Variants in RAPGEF2 observed in about 807,000 individuals in gnomAD.
The protein encoded by RAPGEF2 is Rap guanine nucleotide exchange factor 2, also known as PDZ domain containing guanine nucleotide exchange factor (GEF) 1.
RAPGEF2 carries 54 observed loss-of-function variants against 186.7 expected under a neutral mutation model. That is an observed-to-expected ratio of 0.29 (90% CI 0.23 to 0.36). The LOEUF (loss-of-function observed/expected upper bound fraction) is 0.36, where lower values mean the gene tolerates loss of function less well. Ranked by LOEUF, RAPGEF2 falls within the 10% of genes least tolerant of loss-of-function variation. The pLI is 1.00. For missense variants in RAPGEF2, 1,532 were observed against 2,045.0 expected, an observed-to-expected ratio of 0.75 and a Z score of 4.84; for synonymous variants, 712 against 705.9, an observed-to-expected ratio of 1.01 and a Z score of -0.14.
In RAPGEF2 at chr4:159,358,672, TAA is replaced by T. The variant is rs11337410; in HGVS notation, c.*544_*545del. On this transcript the variant is annotated 3_prime_UTR_variant, in exon 30 of 30. Coordinates refer to ENST00000691494, the MANE Select transcript of RAPGEF2 (RefSeq NM_001394067.2). ...CCACTTGTTTACAATGTCCTCCTTT[TAA>T]AAAAAAAAAATGAGTTTAAAGATTT... The T allele has an allele frequency of 1.5e-4, 23 of 150,506 alleles. No individual in the cohort carries two copies. The highest frequency in any genetic ancestry group is 4.2e-4 in the South Asian group (2 of 4,748). 9.3% of individuals were successfully genotyped at this position (150,506 alleles called of 1,614,324 possible).
intron 1 of RAPGEF2, among the ~76,000 whole-genome samples, chr4:159,134,316 T>TGG (rs1212084426): frequency 6.6e-6 from 1 of 152,246 alleles, no homozygotes. Context: ...TATCAATGGT[T>TGG]TGCTTCTTTT....
chr4:159,261,335 T>C (rs1431592991), intron 7 of RAPGEF2, among the ~76,000 whole-genome samples: 1 of 152,168 alleles, frequency 6.6e-6, no homozygotes, highest in East Asian at 1.9e-4. Flanking sequence ...GTGCTGGGAT[T>C]ACGGGCGTGA....
At chr4:159,356,475 ATG>A (rs1211134398) in intron 29 of RAPGEF2, among the ~76,000 whole-genome samples, 1 of 151,568 alleles carries the variant, frequency 6.6e-6, no homozygotes, top group Admixed American at 6.6e-5. Context: ...GTGTCTGTGT[ATG>A]TGTGTTTCCC....
intron 1 of RAPGEF2, among the ~76,000 whole-genome samples, chr4:159,168,807 T>TTTG (rs1745599532): frequency 1.3e-5 from 2 of 152,192 alleles, no homozygotes; most frequent in African/African-American, 4.8e-5. Context: ...ATATAATTGC[T>TTTG]TTGTAGGTAG....
At chr4:159,139,390 A>G (rs1471784173) in intron 1 of RAPGEF2, among the ~76,000 whole-genome samples, 2 of 152,340 alleles carry the variant, frequency 1.3e-5, no homozygotes, top group East Asian at 1.9e-4. Context: ...AGTTTCTTCA[A>G]TCTCATTTCA....
rs1388222939 is a variant in RAPGEF2 at position 159,275,571 on chromosome 4, G to GA, written c.544-28764dup. Among the ~76,000 whole-genome samples the GA allele has an allele frequency of 3.3e-5, 5 of 151,834 alleles. No homozygotes were observed. The South Asian group carries it at 1.0e-3, about 32-fold the overall frequency. On this transcript the variant is annotated intron_variant, in intron 7 of 29. Coordinates refer to ENST00000691494, the MANE Select transcript of RAPGEF2 (RefSeq NM_001394067.2). ...CTTTAATTTTTAATTTTAGTATGTA[G>GA]AAAAAAACTAGAATTAAGATTTGCT... is the stretch of plus-strand genomic sequence containing the variant.
At chr4:159,293,759 G>C (rs1202182551) in intron 7 of RAPGEF2, among the ~76,000 whole-genome samples, 3 of 152,190 alleles carry the variant, frequency 2.0e-5, no homozygotes, top group Non-Finnish European at 4.4e-5. Context: ...ATTCCTTCTA[G>C]ATAGTGGTTC....
intron 3 of RAPGEF2, among the ~76,000 whole-genome samples, chr4:159,198,901 G>A (rs567826594): frequency 4.8e-4 from 73 of 151,194 alleles, no homozygotes; most frequent in African/African-American, 1.0e-3. Flanking sequence ...GCAACATGGC[G>A]AAACCCCATC....
chr4:159,281,683 A>G (rs1490138380), intron 7 of RAPGEF2, among the ~76,000 whole-genome samples: 1 of 142,762 alleles, frequency 7.0e-6, no homozygotes, highest in South Asian at 2.1e-4. Flanking sequence ...AAAAAAAAAA[A>G]AAAAAAAGAA....
Position 159,330,933 on chromosome 4 carries a change from T to A in RAPGEF2, c.1467+435T>A, listed in dbSNP as rs1579967802. ...TCTGTAGGCCCCAGGATTATAATTCTAAGGAGACCATCTAGAGCTCTTGAG... is the reference window on the plus strand; with the variant it reads ...TCTGTAGGCCCCAGGATTATAATTCAAAGGAGACCATCTAGAGCTCTTGAG... On this transcript the variant is annotated intron_variant, in intron 13 of 29. Transcript: ENST00000691494. Among the ~76,000 whole-genome samples the A allele has an allele frequency of 3.3e-5, 5 of 152,306 alleles. No homozygotes were observed. In the East Asian group the frequency reaches 7.7e-4, roughly 23 times the overall value.
At chr4:159,310,775 T>C (rs891495454) in intron 8 of RAPGEF2, among the ~76,000 whole-genome samples, 1 of 152,128 alleles carries the variant, frequency 6.6e-6, no homozygotes, top group Non-Finnish European at 1.5e-5. Context: ...GAAACAAATA[T>C]ATCCAGATAA....
intron 1 of RAPGEF2, among the ~76,000 whole-genome samples, chr4:159,160,723 A>G (rs1374546386): frequency 2.0e-5 from 3 of 152,206 alleles, no homozygotes; most frequent in Non-Finnish European, 4.4e-5. Context: ...CGACTCCAAA[A>G]GGAAGTGGAT....
chr4:159,243,741 C>T (rs1173529421), intron 6 of RAPGEF2, 33 bp from the exon 7 acceptor site: 1 of 1,259,296 alleles, frequency 7.9e-7, no homozygotes, highest in African/African-American at 1.5e-5. Flanking sequence ...TTCCTTTCCT[C>T]CTTTATGGCA....
At chr4:159,342,558 T>TTTATTTTATA (rs1554041234) in intron 20 of RAPGEF2, among the ~76,000 whole-genome samples, 523 of 48,294 alleles carry the variant, frequency 0.011, 1 homozygote, top group Middle Eastern at 0.049. Context: ...TTTATATTAT[T>TTTATTTTATA]TTATTTTATT....
chr4:159,133,820 T>C (rs1460027398), intron 1 of RAPGEF2, among the ~76,000 whole-genome samples: 1 of 152,148 alleles, frequency 6.6e-6, no homozygotes, highest in Non-Finnish European at 1.5e-5. Context: ...CCTGACCTTG[T>C]GATCCGCCCG....
intron 7 of RAPGEF2, among the ~76,000 whole-genome samples, chr4:159,268,710 G>T (rs2110793676): frequency 6.6e-6 from 1 of 152,070 alleles, no homozygotes; most frequent in Non-Finnish European, 1.5e-5. Context: ...ATCACTTATG[G>T]AAACACAGCT....
At chr4:159,267,791 CT>C (rs200359653) in intron 7 of RAPGEF2, 142,624 of 687,230 alleles carry the variant, frequency 0.21, 24 homozygotes, top group Non-Finnish European at 0.23. Flanking sequence ...TAGCTTTTTT[CT>C]TTTTTTTTTT....
At chr4:159,112,389 T>G (rs907891500) in intron 1 of RAPGEF2, among the ~76,000 whole-genome samples, 2 of 152,142 alleles carry the variant, frequency 1.3e-5, no homozygotes, top group African/African-American at 2.4e-5. Flanking sequence ...ATTTTTTTTT[T>G]GTCATAATGG....
intron 8 of RAPGEF2, 90 bp downstream of exon 8, chr4:159,304,563 T>TATACAC: frequency 2.8e-5 from 34 of 1,200,366 alleles, no homozygotes; most frequent in Non-Finnish European, 3.8e-5. Flanking sequence ...ATAAAATAAA[T>TATACAC]ATATGTGTAT....
Sources: allele counts gnomAD v4.1 joint callset (sites outside exome capture counted in the v4.1 genomes callset), GRCh38; gene constraint gnomAD v4.1.1; transcripts MANE v1.5; gene names NCBI Gene and HGNC (gene_info 2026-07-23, HGNC 2026-07-21).